Variants in TENM2 observed in about 807,000 individuals in gnomAD.
The protein encoded by TENM2 is teneurin transmembrane protein 2.
TENM2 carries 52 observed loss-of-function variants against 245.2 expected under a neutral mutation model. The observed-to-expected ratio is 0.21, with a 90% CI of 0.17 to 0.27. TENM2 has a LOEUF of 0.27. Among genes scored for constraint, TENM2 ranks in the 10% least tolerant of loss-of-function variants. TENM2 has a pLI of 1.00. For missense variants in TENM2, 3,046 were observed against 3,666.8 expected, an observed-to-expected ratio of 0.83 and a Z score of 4.37; for synonymous variants, 1,363 against 1,438.9, an observed-to-expected ratio of 0.95 and a Z score of 1.19.
chr5:168,169,123 G>T (rs1758568817), intron 13 of TENM2, among the ~76,000 whole-genome samples: 1 of 152,180 alleles, frequency 6.6e-6, no homozygotes. Flanking sequence ...CAAAGGGACT[G>T]TCACGTGTAT....
At chr5:167,217,182 C>T in the TENM2 span, among the ~76,000 whole-genome samples, 1 of 151,972 alleles carries the variant, frequency 6.6e-6, no homozygotes, top group South Asian at 2.1e-4. Flanking sequence ...CCATGAGTTC[C>T]TAATATATTT....
chr5:167,441,472 T>G (rs1245252751), intron 2 of TENM2, among the ~76,000 whole-genome samples: 7 of 152,222 alleles, frequency 4.6e-5, no homozygotes. Context: ...TCTTGCATAC[T>G]TTATCAGCGT....
chr5:167,207,108 G>C, the TENM2 span, among the ~76,000 whole-genome samples: 1 of 151,924 alleles, frequency 6.6e-6, no homozygotes, highest in African/African-American at 2.4e-5. Flanking sequence ...TGTGAACCGT[G>C]AGTTTGAGTG....
At chr5:167,207,833 A>T in the TENM2 span, among the ~76,000 whole-genome samples, 23 of 152,184 alleles carry the variant, frequency 1.5e-4, no homozygotes, top group Non-Finnish European at 2.8e-4. Flanking sequence ...GACTCACTGT[A>T]ACCTCTGTCT....
At position 168,222,596 on chromosome 5, in the gene TENM2, T is replaced by A. The variant is rs1763763089; in HGVS notation, c.5109-3492T>A. ...TGGGAAGTGAAGAGCTGGGCAGAAA[T>A]AGAGCTGATACAGAATGCCTTTTGG... On this transcript the variant is annotated intron_variant, in intron 23 of 28. Transcript: ENST00000518659. Among the ~76,000 whole-genome samples the A allele has an allele frequency of 1.3e-5, 2 of 152,168 alleles. 1 individual carries two copies. Among genetic ancestry groups the A allele is most frequent in the South Asian group, 4.2e-4 (2 of 4,814 alleles).
At chr5:167,519,613 A>G (rs1464676273) in intron 2 of TENM2, among the ~76,000 whole-genome samples, 1 of 152,188 alleles carries the variant, frequency 6.6e-6, no homozygotes, top group Non-Finnish European at 1.5e-5. Flanking sequence ...GGAAAAAATT[A>G]AGGGGCTCAG....
At chr5:167,740,174 A>G (rs1761081585) in intron 2 of TENM2, among the ~76,000 whole-genome samples, 1 of 152,014 alleles carries the variant, frequency 6.6e-6, no homozygotes, top group Admixed American at 6.5e-5. Flanking sequence ...CCAAGAAATC[A>G]CCTCTCCAAA....
the TENM2 span, among the ~76,000 whole-genome samples, chr5:166,982,973 G>A: frequency 6.6e-6 from 1 of 151,972 alleles, no homozygotes; most frequent in African/African-American, 2.4e-5. Context: ...AGTATTCTTT[G>A]TACTTCTGGT....
Position 167,747,429 on chromosome 5 carries a change from A to G in TENM2, c.503-128557A>G, listed in dbSNP as rs556007704. Reference sequence around the variant, plus strand: ...TTTCCCTGCCCAAGTTTGTGATAACATATCTTCCATTAACCTATGCTGAAA... The same window carrying G: ...TTTCCCTGCCCAAGTTTGTGATAACGTATCTTCCATTAACCTATGCTGAAA... On this transcript the variant is annotated intron_variant, in intron 2 of 28. Coordinates refer to ENST00000518659, the Ensembl canonical transcript of TENM2. Among the ~76,000 whole-genome samples, 11 of 152,304 alleles carry G rather than the reference A, an allele frequency of 7.2e-5. No individual in the cohort carries two copies. The East Asian group carries it at 1.9e-3, about 27-fold the overall frequency.
chr5:167,164,546 C>T, the TENM2 span, among the ~76,000 whole-genome samples: 2 of 152,132 alleles, frequency 1.3e-5, no homozygotes, highest in Non-Finnish European at 2.9e-5. Context: ...AGGGTAAGCA[C>T]CATAGAAAGA....
chr5:167,396,545 G>A (rs1255867368), intron 2 of TENM2, among the ~76,000 whole-genome samples: 1 of 152,108 alleles, frequency 6.6e-6, no homozygotes, highest in African/African-American at 2.4e-5. Flanking sequence ...AAATCTGATG[G>A]CAAGAGATGC....
chr5:167,178,458 C>G, the TENM2 span, among the ~76,000 whole-genome samples: 1 of 152,262 alleles, frequency 6.6e-6, no homozygotes, highest in Non-Finnish European at 1.5e-5. Flanking sequence ...CATAACTGTG[C>G]TTTAGTGCAC....
At chr5:168,076,546 C>T (rs1581231498) in intron 7 of TENM2, among the ~76,000 whole-genome samples, 1 of 152,080 alleles carries the variant, frequency 6.6e-6, no homozygotes. Context: ...TTTTTACTCA[C>T]AGCTCTCCTC....
chr5:168,100,068 A>G (rs576425158), intron 9 of TENM2, among the ~76,000 whole-genome samples: 2 of 152,284 alleles, frequency 1.3e-5, no homozygotes, highest in East Asian at 1.9e-4. Context: ...ATTTTTGCAC[A>G]TTGATTTTGT....
chr5:167,867,030 A>G (rs550999997), intron 2 of TENM2, among the ~76,000 whole-genome samples: 47 of 152,344 alleles, frequency 3.1e-4, no homozygotes, highest in Admixed American at 1.2e-3. Flanking sequence ...TGACCAACAT[A>G]ATGTTTTTCC....
intron 1 of TENM2, among the ~76,000 whole-genome samples, chr5:167,315,472 T>C (rs1173165189): frequency 6.6e-6 from 1 of 152,206 alleles, no homozygotes; most frequent in African/African-American, 2.4e-5. Flanking sequence ...GTAATTTTCT[T>C]TTAGCAGATT....
chr5:167,509,626 A>T (rs1026253973), intron 2 of TENM2, among the ~76,000 whole-genome samples: 1 of 152,238 alleles, frequency 6.6e-6, no homozygotes, highest in Non-Finnish European at 1.5e-5. Context: ...AATTAAAGCC[A>T]CTAGACTTCT....
exon 5 of TENM2, chr5:167,993,145 G>A (rs376374889): frequency 2.2e-5 from 35 of 1,613,842 alleles, no homozygotes; most frequent in South Asian, 3.3e-5. Flanking sequence ...CCATTGCCGC[G>A]GCCCTCCTCT....
chr5:167,441,631 G>C (rs957556465), intron 2 of TENM2, among the ~76,000 whole-genome samples: 6 of 152,166 alleles, frequency 3.9e-5, no homozygotes, highest in African/African-American at 1.4e-4. Context: ...ATAAGTTGCT[G>C]TTGCTGATAT....
Sources: gnomAD v4.1 joint callset for allele counts (sites outside exome capture counted in the v4.1 genomes callset) on GRCh38, gnomAD v4.1.1 for gene constraint, MANE v1.5 for transcripts, NCBI Gene and HGNC (gene_info 2026-07-23, HGNC 2026-07-21) for gene names.